Variants in FRS2 observed in about 807,000 individuals in gnomAD.
FRS2 encodes fibroblast growth factor receptor substrate 2.
FRS2 carries 8 observed loss-of-function variants against 43.9 expected under a neutral mutation model. The observed-to-expected ratio is 0.18, with a 90% confidence interval of 0.11 to 0.33. The LOEUF (loss-of-function observed/expected upper bound fraction) is 0.33. FRS2 is among the 10% of genes least tolerant of loss of function. The pLI is 1.00. For missense variants in FRS2, 534 were observed against 627.6 expected, an observed-to-expected ratio of 0.85 and a Z score of 1.59; for synonymous variants, 219 against 220.3, an observed-to-expected ratio of 0.99 and a Z score of 0.05.
At chr12:69,504,201 T>C (rs1275604073) in intron 1 of FRS2, among the ~76,000 whole-genome samples, 2 of 152,052 alleles carry the variant, frequency 1.3e-5, no homozygotes, top group African/African-American at 4.8e-5. Context: ...CTGGTAATTA[T>C]AAATATGAGG....
intron 1 of FRS2, among the ~76,000 whole-genome samples, chr12:69,498,899 T>C (rs1308213627): frequency 6.6e-6 from 1 of 152,234 alleles, no homozygotes; most frequent in Non-Finnish European, 1.5e-5. Context: ...GCTTCTATTA[T>C]GTACCAGTCC....
chr12:69,474,032 G>C (rs569043476), intron 1 of FRS2, among the ~76,000 whole-genome samples: 6 of 152,140 alleles, frequency 3.9e-5, no homozygotes, highest in African/African-American at 1.4e-4. Context: ...TAGTAGAGAC[G>C]GGGTTTCACC....
At chr12:69,563,987 C>CTACT (rs1880074987) in intron 4 of FRS2, among the ~76,000 whole-genome samples, 1 of 152,072 alleles carries the variant, frequency 6.6e-6, no homozygotes, top group Admixed American at 6.6e-5. Flanking sequence ...CTTTCTTGAC[C>CTACT]TACTGATTAT....
intron 3 of FRS2, among the ~76,000 whole-genome samples, chr12:69,550,148 C>T (rs1185439481): frequency 3.3e-5 from 5 of 152,164 alleles, no homozygotes; most frequent in African/African-American, 1.2e-4. Flanking sequence ...AATCTTGTGT[C>T]CTTCCTATGT....
At position 69,509,707 on chromosome 12, in the gene FRS2, T is replaced by G. The variant is rs557097061; in HGVS notation, c.-260-21158T>G. 5.3e-5 allele frequency among the ~76,000 whole-genome samples: 8 copies of G among 152,280 alleles called. No homozygotes were observed. In the South Asian group the frequency reaches 1.2e-3, roughly 24 times the overall value. ...TAGGTTTCAACTTTCTTGGTCTTGA[T>G]AGGTTATTCTTTTCCTTTTCTAGCT... On this transcript the variant is annotated intron_variant, in intron 1 of 8. Coordinates refer to ENST00000549921, the MANE Select transcript of FRS2 (RefSeq NM_001278356.2).
At chr12:69,563,125 C>A (rs1880002136) in intron 4 of FRS2, among the ~76,000 whole-genome samples, 1 of 152,084 alleles carries the variant, frequency 6.6e-6, no homozygotes, top group Non-Finnish European at 1.5e-5. Flanking sequence ...CATGGTTGTT[C>A]CTCAAGTGTT....
At chr12:69,490,563 A>G (rs1332607453) in intron 1 of FRS2, among the ~76,000 whole-genome samples, 3 of 151,552 alleles carry the variant, frequency 2.0e-5, no homozygotes, top group Non-Finnish European at 4.4e-5. Flanking sequence ...TTTCTGGTGT[A>G]TATAGCCATT....
intron 4 of FRS2, among the ~76,000 whole-genome samples, chr12:69,566,112 A>G (rs1439387921): frequency 2.0e-5 from 3 of 152,148 alleles, no homozygotes; most frequent in African/African-American, 7.2e-5. Flanking sequence ...CCACTGTCAT[A>G]TATGTAGTCT....
At chr12:69,543,644 C>G (rs933768668) in intron 3 of FRS2, among the ~76,000 whole-genome samples, 1 of 152,050 alleles carries the variant, frequency 6.6e-6, no homozygotes, top group African/African-American at 2.4e-5. Context: ...GTAGTGTGCT[C>G]AGGAAAATTC....
intron 1 of FRS2, among the ~76,000 whole-genome samples, chr12:69,504,257 C>T (rs1427012174): frequency 1.3e-5 from 2 of 152,016 alleles, no homozygotes; most frequent in Admixed American, 6.6e-5. Context: ...CCCAGCTATT[C>T]GGGAAGCTGA....
intron 3 of FRS2, among the ~76,000 whole-genome samples, chr12:69,548,655 T>C (rs1878618972): frequency 6.6e-6 from 1 of 152,142 alleles, no homozygotes; most frequent in African/African-American, 2.4e-5. Context: ...AACCCTGTAA[T>C]GGAAAAGAAT....
At chr12:69,523,467 G>T (rs1565745508) in intron 1 of FRS2, among the ~76,000 whole-genome samples, 1 of 152,188 alleles carries the variant, frequency 6.6e-6, no homozygotes, top group Non-Finnish European at 1.5e-5. Flanking sequence ...GTCCATGGGT[G>T]TCACTGCATG....
At chr12:69,548,640 G>A (rs1878618425) in intron 3 of FRS2, among the ~76,000 whole-genome samples, 1 of 152,144 alleles carries the variant, frequency 6.6e-6, no homozygotes, top group Non-Finnish European at 1.5e-5. Context: ...CAGGGTTCTG[G>A]CAGGAACCCT....
chr12:69,501,392 G>A (rs1873434261), intron 1 of FRS2, among the ~76,000 whole-genome samples: 1 of 152,140 alleles, frequency 6.6e-6, no homozygotes, highest in South Asian at 2.1e-4. Flanking sequence ...CGACCAACCA[G>A]TGAATCATTT....
rs760756002 is a variant in FRS2 at position 69,572,247 on chromosome 12, AATCTACAC to A, written c.546_553del (p.Thr183PhefsTer5). Reference sequence around the variant, plus strand: ...GCTCGCCTGCCTTCAGTAGGGGAAGAATCTACACATCCTTTGCTTGTGGCTGAGGAACA... The same window carrying A: ...GCTCGCCTGCCTTCAGTAGGGGAAGAATCCTTTGCTTGTGGCTGAGGAACA... On this transcript the variant is annotated frameshift_variant, in exon 8 of 9. Coordinates refer to ENST00000549921, the MANE Select transcript of FRS2 (RefSeq NM_001278356.2). LOFTEE classifies it high-confidence loss of function. 1.2e-6 allele frequency: 2 copies of A among 1,612,172 alleles called. No homozygotes were observed. Among genetic ancestry groups the A allele is most frequent in the Admixed American group, 3.3e-5 (2 of 59,800 alleles).
intron 1 of FRS2, among the ~76,000 whole-genome samples, chr12:69,525,653 C>G (rs1332999125): frequency 6.6e-6 from 1 of 151,808 alleles, no homozygotes; most frequent in East Asian, 1.9e-4. Context: ...CTTTCCTCTC[C>G]TTTCCTTTCC....
At chr12:69,526,048 G>T (rs1016307895) in intron 1 of FRS2, among the ~76,000 whole-genome samples, 1 of 151,976 alleles carries the variant, frequency 6.6e-6, no homozygotes, top group Non-Finnish European at 1.5e-5. Flanking sequence ...TAGTAGAGAC[G>T]GGTTTCACCA....
intron 1 of FRS2, among the ~76,000 whole-genome samples, chr12:69,478,760 G>GTGTC (rs1222318714): frequency 7.8e-6 from 1 of 127,702 alleles, no homozygotes; most frequent in African/African-American, 3.0e-5. Flanking sequence ...GTGTGTGTGT[G>GTGTC]TGTAAAGAAT....
At chr12:69,508,393 AT>A (rs1874155132) in intron 1 of FRS2, among the ~76,000 whole-genome samples, 1 of 152,200 alleles carries the variant, frequency 6.6e-6, no homozygotes, top group Non-Finnish European at 1.5e-5. Flanking sequence ...TTCCCAAAGT[AT>A]TTCTCTAGTG....
Sources: gnomAD v4.1 joint callset for allele counts (sites outside exome capture counted in the v4.1 genomes callset) on GRCh38, gnomAD v4.1.1 for gene constraint, MANE v1.5 for transcripts, NCBI Gene and HGNC (gene_info 2026-07-23, HGNC 2026-07-21) for gene names.